Variants in CRACR2A observed in about 807,000 individuals in gnomAD.
CRACR2A encodes calcium release activated channel regulator 2A.
In CRACR2A, 79 loss-of-function variants were observed where a neutral mutation model predicts 90.5. That is an observed-to-expected ratio of 0.87 (90% CI 0.73 to 1.05). The LOEUF is 1.05. Ranked by LOEUF, CRACR2A falls within the 50% of genes least tolerant of loss-of-function variation. The probability of loss-of-function intolerance (pLI) is 0.00; values close to 1 mark genes in which losing one functional copy is unlikely to be tolerated. For synonymous variants in CRACR2A, 338 were observed against 356.7 expected, an observed-to-expected ratio of 0.95 and a Z score of 0.59; for missense variants, 823 against 897.2, an observed-to-expected ratio of 0.92 and a Z score of 1.06.
chr12:3,646,300 A>T (rs1488297688), intron 11 of CRACR2A, among the ~76,000 whole-genome samples: 3 of 152,186 alleles, frequency 2.0e-5, no homozygotes, highest in Non-Finnish European at 4.4e-5. Flanking sequence ...CAGTTTTGTG[A>T]TTCTATGACT....
rs536102058 is a variant in CRACR2A at position 3,630,015 on chromosome 12, C to T, written c.1736-2309G>A. Among the ~76,000 whole-genome samples the T allele has an allele frequency of 6.6e-5, 10 of 152,224 alleles. No homozygotes were observed. In the East Asian group the frequency reaches 1.4e-3, roughly 21 times the overall value. On this transcript the variant is annotated intron_variant, in intron 15 of 19. Coordinates refer to ENST00000440314, the MANE Select transcript of CRACR2A (RefSeq NM_001144958.2). ...CAGGAGTCAGGAGACCCGTGTTGTG[C>T]GTTCCTGTCTCAGCTCTGCCACTGA...
At chr12:3,640,614 A>G (rs1944547668) in intron 13 of CRACR2A, 1 of 1,303,598 alleles carries the variant, frequency 7.7e-7, no homozygotes, top group South Asian at 1.2e-5. Flanking sequence ...GCTATTTAGA[A>G]CAAGAATTCA....
chr12:3,726,604 A>T (rs1565503637), intron 2 of CRACR2A: 1 of 152,106 alleles, frequency 6.6e-6, no homozygotes, highest in Admixed American at 6.6e-5. Context: ...AATAACCTTC[A>T]CTGAGGTACA....
At chr12:3,708,670 C>T (rs1231922819) in intron 3 of CRACR2A, among the ~76,000 whole-genome samples, 3 of 152,172 alleles carry the variant, frequency 2.0e-5, no homozygotes, top group African/African-American at 7.2e-5. Flanking sequence ...CGTGATCCGC[C>T]GGCCTCGGCC....
intron 2 of CRACR2A, chr12:3,729,170 T>A (rs1946320500): frequency 2.0e-5 from 3 of 152,122 alleles, no homozygotes; most frequent in Non-Finnish European, 4.4e-5. Flanking sequence ...GTTCTTGGAT[T>A]GAAAGAGCAA....
intron 4 of CRACR2A, among the ~76,000 whole-genome samples, chr12:3,694,596 C>T (rs1373559683): frequency 6.6e-6 from 1 of 152,186 alleles, no homozygotes; most frequent in Non-Finnish European, 1.5e-5. Flanking sequence ...CCTGGAGGAC[C>T]TGCTCCAGGA....
intron 3 of CRACR2A, among the ~76,000 whole-genome samples, chr12:3,700,382 A>G (rs1467661828): frequency 2.0e-5 from 3 of 152,176 alleles, no homozygotes; most frequent in African/African-American, 7.2e-5. Flanking sequence ...TTATCTAAAG[A>G]GTTTTTAGGT....
chr12:3,653,231 T>C (rs1944832172), intron 10 of CRACR2A, among the ~76,000 whole-genome samples: 1 of 149,450 alleles, frequency 6.7e-6, no homozygotes, highest in East Asian at 1.9e-4. Context: ...TCTGCCCACC[T>C]TGGCCTCCCA....
rs370926137 is a variant in CRACR2A at position 3,638,220 on chromosome 12, G to C, written c.1506C>G (p.Asp502Glu). 8.0e-5 allele frequency: 124 copies of C among 1,551,662 alleles called. No individual in the cohort carries two copies. The Middle Eastern group carries it at 8.4e-4, about 10-fold the overall frequency. Residue 502 changes from aspartate to glutamate, a missense_variant, in exon 14 of 20, where the codon GAC becomes GAG. Asp to Glu is a conservative substitution (Grantham distance 45). Transcript: ENST00000440314. ...CCGGGATTTGTCCCTGTACCCCCTG[G>C]TCAGAGACCTCTTCCTCTTCTGAGC... ...SKCSEEEEVS[D>E]QGVQGQIPEA...
intron 14 of CRACR2A, 129 bp downstream of exon 14, chr12:3,637,995 A>G (rs1944488182): frequency 2.3e-6 from 2 of 872,124 alleles, no homozygotes; most frequent in South Asian, 3.8e-5. Context: ...TTTGGAGGAC[A>G]CATATGTGGT....
In CRACR2A at chr12:3,654,304, C is replaced by G; in HGVS notation, c.954G>C (p.Glu318Asp). 1 of 1,613,978 alleles carries G rather than the reference C, an allele frequency of 6.2e-7. No individual in the cohort carries two copies. The highest frequency in any genetic ancestry group is 1.1e-5 in the South Asian group (1 of 91,078). Residue 318 changes from glutamate to aspartate, a missense_variant, in exon 10 of 20, where the codon GAG (glutamate) becomes GAC (aspartate). Glu to Asp is a conservative substitution (Grantham distance 45, BLOSUM62 2). Coordinates refer to ENST00000440314, the MANE Select transcript of CRACR2A (RefSeq NM_001144958.2). Reference sequence around the variant, plus strand: ...GGAGCTCCCAGGAAGTCCGCTCCAGCTCCCGGGCCAGCTCCTGGTTAGTGA... The same window carrying G: ...GGAGCTCCCAGGAAGTCCGCTCCAGGTCCCGGGCCAGCTCCTGGTTAGTGA... ...LKLTNQELAR[E>D]LERTSWELQD... is the part of the protein sequence containing the mutation.
At chr12:3,705,299 C>T (rs911249520) in intron 3 of CRACR2A, among the ~76,000 whole-genome samples, 1 of 152,202 alleles carries the variant, frequency 6.6e-6, no homozygotes, top group Non-Finnish European at 1.5e-5. Flanking sequence ...TTAAATATAT[C>T]CAGGAAGATT....
intron 1 of CRACR2A, among the ~76,000 whole-genome samples, chr12:3,747,696 T>C (rs1469066893): frequency 6.6e-6 from 1 of 152,180 alleles, no homozygotes; most frequent in Non-Finnish European, 1.5e-5. Flanking sequence ...GGTGCTGCTG[T>C]GAGTTTAAAA....
At chr12:3,621,648 C>CA (rs557648607) in intron 17 of CRACR2A, among the ~76,000 whole-genome samples, 978 of 14,592 alleles carry the variant, frequency 0.067, 220 homozygotes, top group East Asian at 0.11. Context: ...GAGACTCTGT[C>CA]AAAAAAAAAA....
chr12:3,700,820 C>T (rs969821376), intron 3 of CRACR2A, among the ~76,000 whole-genome samples: 12 of 152,164 alleles, frequency 7.9e-5, no homozygotes, highest in African/African-American at 2.4e-4. Context: ...GACAGAAATC[C>T]GTAAGGATAC....
rs566340948 is a variant in CRACR2A, at chr12:3,696,592, A to G, written c.228+180T>C. On this transcript the variant is annotated intron_variant, in intron 4 of 19. Coordinates refer to ENST00000440314, the MANE Select transcript of CRACR2A (RefSeq NM_001144958.2). ...GAATCTGACAGCAAGTAAAGGCCAGAAATAGAATGAACTCAGGAGGTCCGG... is the reference window on the plus strand; with the variant it reads ...GAATCTGACAGCAAGTAAAGGCCAGGAATAGAATGAACTCAGGAGGTCCGG... 2.6e-5 allele frequency among the ~76,000 whole-genome samples: 4 copies of G among 152,354 alleles called. No individual in the cohort carries two copies. The South Asian group carries it at 8.3e-4, about 32-fold the overall frequency.
At position 3,746,146 on chromosome 12, in the gene CRACR2A, A is replaced by G. The variant is rs918670353; in HGVS notation, c.-387+6869T>C. 4.6e-5 allele frequency among the ~76,000 whole-genome samples: 7 copies of G among 152,194 alleles called. No individual in the cohort carries two copies. Among genetic ancestry groups the G allele is most frequent in the East Asian group, 3.8e-4 (2 of 5,198 alleles). Reference sequence around the variant, plus strand: ...AATATACTTTACTTACTTGCCTATAAACACTAACATCATTGGTTATTTTTC... The same window carrying G: ...AATATACTTTACTTACTTGCCTATAGACACTAACATCATTGGTTATTTTTC... On this transcript the variant is annotated intron_variant, in intron 1 of 19. Transcript: ENST00000440314. This position sits in a 1 kb window ranked among gnomAD's most constrained non-coding sequence, Gnocchi z 4.4.
chr12:3,742,946 C>T (rs1946550724), intron 1 of CRACR2A, among the ~76,000 whole-genome samples: 1 of 152,164 alleles, frequency 6.6e-6, no homozygotes, highest in Non-Finnish European at 1.5e-5. Flanking sequence ...ATACTGTGTC[C>T]CTTTTTCTTT....
At chr12:3,670,536 A>G (rs1945220873) in intron 7 of CRACR2A, among the ~76,000 whole-genome samples, 3 of 152,066 alleles carry the variant, frequency 2.0e-5, no homozygotes, top group Admixed American at 1.3e-4. Flanking sequence ...CCTATACCCT[A>G]TTGGGATTTC....
Sources: gnomAD v4.1 joint callset for allele counts (sites outside exome capture counted in the v4.1 genomes callset) on GRCh38, gnomAD v4.1.1 for gene constraint, Gnocchi (gnomAD v3.1) non-coding constraint, MANE v1.5 for transcripts, NCBI Gene and HGNC (gene_info 2026-07-23, HGNC 2026-07-21) for gene names.